The following FAM53B variants were observed in gnomAD, a reference collection of about 807,000 sequenced individuals.
FAM53B encodes the protein protein FAM53B.
Under a neutral mutation model 32.7 loss-of-function variants are expected in FAM53B, and 12 were observed. The ratio of observed to expected loss-of-function variants is 0.37; its 90% CI spans 0.24 to 0.59. FAM53B has a LOEUF of 0.59. Ranked by LOEUF, FAM53B falls within the 20% of genes least tolerant of loss-of-function variation. The pLI is 0.72. For missense variants in FAM53B, 477 were observed against 577.7 expected, an observed-to-expected ratio of 0.83 and a Z score of 1.79; for synonymous variants, 234 against 228.7, an observed-to-expected ratio of 1.02 and a Z score of -0.21.
chr10:124,628,561 G>A (rs1949370053), intron 4 of FAM53B, among the ~76,000 whole-genome samples: 1 of 152,160 alleles, frequency 6.6e-6, no homozygotes, highest in African/African-American at 2.4e-5. Context: ...CTCTGGCCAG[G>A]CTGCTTCACA....
chr10:124,626,262 G>A (rs944039077), intron 4 of FAM53B, among the ~76,000 whole-genome samples: 1 of 152,220 alleles, frequency 6.6e-6, no homozygotes, highest in Non-Finnish European at 1.5e-5. Flanking sequence ...TCACCCTCTC[G>A]GTCCTGCTCG....
intron 4 of FAM53B, among the ~76,000 whole-genome samples, chr10:124,637,117 C>T (rs1481904890): frequency 6.6e-6 from 1 of 152,112 alleles, no homozygotes; most frequent in East Asian, 1.9e-4. Flanking sequence ...TGACAAAATG[C>T]TCCCTGCTCC....
chr10:124,701,716 C>T (rs529579740), intron 2 of FAM53B, among the ~76,000 whole-genome samples: 5 of 152,226 alleles, frequency 3.3e-5, no homozygotes, highest in Non-Finnish European at 7.3e-5. Context: ...GAAAGGGGAA[C>T]TGGACCCAGC....
chr10:124,620,119 T>C lies in FAM53B; in HGVS notation c.*3123A>G, dbSNP rs1430123510. On this transcript the variant is annotated 3_prime_UTR_variant, in exon 5 of 5. Transcript: ENST00000337318. Reference sequence around the variant, plus strand: ...AATTCACAAAACTGGCTACAAAAATTTGGTTGAAAAGTAAGGCTTTCTGAG... The same window carrying C: ...AATTCACAAAACTGGCTACAAAAATCTGGTTGAAAAGTAAGGCTTTCTGAG... The C allele has an allele frequency of 6.6e-6, 1 of 152,560 alleles. No individual in the cohort carries two copies. Among genetic ancestry groups the C allele is most frequent in the Non-Finnish European group, 1.5e-5 (1 of 68,028 alleles). The allele number at this position is 152,560 out of a possible 1,614,324, so 9.5% of individuals were successfully genotyped here. A position where few individuals can be genotyped will look rare whatever the true frequency, so the allele number is the denominator to read the frequency against.
chr10:124,635,451 A>C (rs961775966), intron 4 of FAM53B, among the ~76,000 whole-genome samples: 4 of 152,238 alleles, frequency 2.6e-5, no homozygotes, highest in African/African-American at 9.6e-5. Flanking sequence ...TAGCCTTTAA[A>C]TATACAAAAG....
chr10:124,743,549 G>C (rs1421349053), intron 1 of FAM53B, among the ~76,000 whole-genome samples: 1 of 152,186 alleles, frequency 6.6e-6, no homozygotes, highest in Non-Finnish European at 1.5e-5. Flanking sequence ...GCGAACAAAA[G>C]AGTTGTCTGC....
chr10:124,678,920 C>T (rs1457220165), intron 4 of FAM53B, among the ~76,000 whole-genome samples: 1 of 152,214 alleles, frequency 6.6e-6, no homozygotes, highest in Non-Finnish European at 1.5e-5. Context: ...AGGCCCCAGT[C>T]GGGACCTCTA....
intron 4 of FAM53B, among the ~76,000 whole-genome samples, chr10:124,649,386 AG>A (rs1949540974): frequency 6.6e-6 from 1 of 152,188 alleles, no homozygotes; most frequent in Admixed American, 6.5e-5. Context: ...AGCAGAATGG[AG>A]GATGGGGTAG....
intron 4 of FAM53B, among the ~76,000 whole-genome samples, chr10:124,655,337 CA>C (rs1262406879): frequency 6.6e-6 from 1 of 152,152 alleles, no homozygotes; most frequent in Non-Finnish European, 1.5e-5. Context: ...ATTCAGGTGT[CA>C]GGACCTGCTG....
intron 3 of FAM53B, among the ~76,000 whole-genome samples, chr10:124,688,460 G>A (rs1024053069): frequency 1.3e-5 from 2 of 152,210 alleles, no homozygotes; most frequent in Admixed American, 6.5e-5. Context: ...ACACACAAGA[G>A]CCTTTGCCTG....
intron 4 of FAM53B, among the ~76,000 whole-genome samples, chr10:124,679,584 C>T (rs540336088): frequency 9.2e-5 from 14 of 152,370 alleles, no homozygotes; most frequent in African/African-American, 3.1e-4. Context: ...CATGGCTCAG[C>T]GTCCACGGGC....
At chr10:124,661,353 C>A (rs1949630107) in intron 4 of FAM53B, among the ~76,000 whole-genome samples, 2 of 152,172 alleles carry the variant, frequency 1.3e-5, no homozygotes, top group Admixed American at 6.5e-5. Flanking sequence ...AGAATGGTCC[C>A]CAGAAGGTTG....
At chr10:124,626,583 T>C (rs899730021) in intron 4 of FAM53B, among the ~76,000 whole-genome samples, 3 of 152,214 alleles carry the variant, frequency 2.0e-5, no homozygotes, top group African/African-American at 7.2e-5. Context: ...CCCGATCCTG[T>C]TGGCACCTGG....
intron 1 of FAM53B, among the ~76,000 whole-genome samples, chr10:124,723,217 TC>T (rs764276054): frequency 6.6e-6 from 1 of 152,196 alleles, no homozygotes; most frequent in East Asian, 1.9e-4. Context: ...GTCCCCTGAG[TC>T]CCCAGAACCT....
chr10:124,678,897 C>G (rs1376099840), intron 4 of FAM53B, among the ~76,000 whole-genome samples: 1 of 152,230 alleles, frequency 6.6e-6, no homozygotes, highest in African/African-American at 2.4e-5. Context: ...CACACACCCT[C>G]AAGATCTGCT....
intron 1 of FAM53B, among the ~76,000 whole-genome samples, chr10:124,719,857 A>G (rs1397813983): frequency 6.6e-6 from 1 of 152,180 alleles, no homozygotes; most frequent in African/African-American, 2.4e-5. Flanking sequence ...GAGAAGGAAA[A>G]GTTACACATC....
chr10:124,701,446 A>G (rs1194667543), intron 2 of FAM53B, among the ~76,000 whole-genome samples: 1 of 152,256 alleles, frequency 6.6e-6, no homozygotes, highest in East Asian at 1.9e-4. Flanking sequence ...GCCCAGGAGC[A>G]GCCAGCCACC....
chr10:124,652,498 C>G (rs1055717179), intron 4 of FAM53B, among the ~76,000 whole-genome samples: 15 of 152,184 alleles, frequency 9.9e-5, no homozygotes, highest in Admixed American at 9.8e-4. Context: ...GCCTGTCACC[C>G]ACGGTGATAA....
chr10:124,700,835 G>A (rs1949910594), intron 2 of FAM53B, among the ~76,000 whole-genome samples: 1 of 152,250 alleles, frequency 6.6e-6, no homozygotes, highest in Non-Finnish European at 1.5e-5. Context: ...GGGAGCCACA[G>A]AGCAACAGGG....
Sources: allele counts gnomAD v4.1 joint callset (sites outside exome capture counted in the v4.1 genomes callset), GRCh38; gene constraint gnomAD v4.1.1; transcripts MANE v1.5; gene names NCBI Gene and HGNC (gene_info 2026-07-23, HGNC 2026-07-21).